The following MSH3 variants were observed in gnomAD, a reference collection of about 807,000 sequenced individuals.
MSH3 encodes the protein mutS homolog 3, also known as DNA mismatch repair protein Msh3.
A neutral mutation model predicts 123.3 loss-of-function variants in MSH3; 106 were observed. The ratio of observed to expected loss-of-function variants is 0.86; its 90% CI spans 0.73 to 1.01. The LOEUF is 1.01. Among genes scored for constraint, MSH3 ranks in the 50% least tolerant of loss-of-function variants. The pLI is 0.00. For missense variants in MSH3, 1,459 were observed against 1,347.6 expected (o/e 1.08, Z -1.29); for synonymous variants, 515 against 481.4 (o/e 1.07, Z -0.91).
intron 8 of MSH3, among the ~76,000 whole-genome samples, chr5:80,724,318 A>G (rs747824723): frequency 9.2e-5 from 14 of 152,122 alleles, no homozygotes; most frequent in Non-Finnish European, 1.8e-4. Flanking sequence ...AGAATTATTA[A>G]GTGAAGAGAA....
At chr5:80,865,426 G>A (rs200445771) in intron 22 of MSH3, among the ~76,000 whole-genome samples, 1 of 152,094 alleles carries the variant, frequency 6.6e-6, no homozygotes, top group Non-Finnish European at 1.5e-5. Context: ...CAGGTAAAGT[G>A]GTTTGACCAT....
chr5:80,800,926 G>T (rs1241248997), intron 19 of MSH3, among the ~76,000 whole-genome samples: 1 of 152,210 alleles, frequency 6.6e-6, no homozygotes, highest in East Asian at 1.9e-4. Flanking sequence ...ACAGAGCAGA[G>T]GGGCTTCTGT....
intron 19 of MSH3, among the ~76,000 whole-genome samples, chr5:80,804,530 CT>C (rs1386188248): frequency 1.3e-5 from 2 of 152,260 alleles, no homozygotes; most frequent in Non-Finnish European, 2.9e-5. Flanking sequence ...CTTGTAGACT[CT>C]TTGAGTTACC....
At chr5:80,700,621 T>C (rs1750587504) in intron 8 of MSH3, among the ~76,000 whole-genome samples, 2 of 152,186 alleles carry the variant, frequency 1.3e-5, no homozygotes, top group African/African-American at 4.8e-5. Context: ...TTAATGGATG[T>C]GCTTAACTCA....
rs188508359 is a variant in MSH3 at position 80,729,408 on chromosome 5, C to T, written c.1568+443C>T. Among the ~76,000 whole-genome samples the T allele has an allele frequency of 8.4e-3, 796 of 94,702 alleles. 10 individuals carry two copies. The highest frequency in any genetic ancestry group is 0.037 in the African/African-American group (750 of 20,404). The allele number at this position is 94,702 out of a possible 152,430, so 62.1% of individuals were successfully genotyped here. ...TCCAGCCTGGGCGACAGCGAGACTC[C>T]GTCCCAAAAAAAAAAAAAAAAATGT... On this transcript the variant is annotated intron_variant, in intron 10 of 23. Coordinates refer to ENST00000265081, the MANE Select transcript of MSH3 (RefSeq NM_002439.5).
At chr5:80,676,430 T>A (rs1749839800) in intron 7 of MSH3, among the ~76,000 whole-genome samples, 1 of 152,214 alleles carries the variant, frequency 6.6e-6, no homozygotes, top group Admixed American at 6.5e-5. Flanking sequence ...TTTAAGGCCC[T>A]TCAGAACAAT....
At chr5:80,749,354 G>A (rs1283945638) in intron 12 of MSH3, among the ~76,000 whole-genome samples, 1 of 152,170 alleles carries the variant, frequency 6.6e-6, no homozygotes, top group Non-Finnish European at 1.5e-5. Flanking sequence ...TTCAAGGGCA[G>A]GAAGCATCCA....
chr5:80,679,902 G>A (rs536979085), intron 8 of MSH3, among the ~76,000 whole-genome samples: 1 of 152,252 alleles, frequency 6.6e-6, no homozygotes, highest in African/African-American at 2.4e-5. Context: ...GTATATTGAC[G>A]AATTTGGACT....
At chr5:80,656,978 TTAAA>T (rs1439806434) in intron 2 of MSH3, among the ~76,000 whole-genome samples, 1 of 152,158 alleles carries the variant, frequency 6.6e-6, no homozygotes, top group African/African-American at 2.4e-5. Context: ...AAAAATTAGT[TTAAA>T]TATATTTTAC....
At chr5:80,698,081 T>C (rs1166144337) in intron 8 of MSH3, among the ~76,000 whole-genome samples, 1 of 151,886 alleles carries the variant, frequency 6.6e-6, no homozygotes, top group Non-Finnish European at 1.5e-5. Flanking sequence ...CTAATTTTTT[T>C]TGTAGAGATG....
chr5:80,708,638 G>A (rs1386017509), intron 8 of MSH3, among the ~76,000 whole-genome samples: 4 of 151,980 alleles, frequency 2.6e-5, no homozygotes, highest in Non-Finnish European at 5.9e-5. Context: ...GCCCAAGCTG[G>A]TCTCAAACTC....
chr5:80,742,665 G>T (rs1252208735), intron 11 of MSH3, among the ~76,000 whole-genome samples: 2 of 152,118 alleles, frequency 1.3e-5, no homozygotes, highest in Non-Finnish European at 2.9e-5. Flanking sequence ...GTTCTAGTAT[G>T]CTGAATTCAG....
At chr5:80,770,270 ATT>A (rs62892161) in intron 15 of MSH3, among the ~76,000 whole-genome samples, 259 of 144,030 alleles carry the variant, frequency 1.8e-3, no homozygotes, top group Middle Eastern at 3.5e-3. Flanking sequence ...TTTCTACTAC[ATT>A]TTTTTTTTTT....
chr5:80,716,415 T>G (rs1750961802), intron 8 of MSH3, among the ~76,000 whole-genome samples: 2 of 152,048 alleles, frequency 1.3e-5, no homozygotes, highest in Admixed American at 1.3e-4. Flanking sequence ...TCTTTTATGA[T>G]AGTATCTGAC....
intron 12 of MSH3, among the ~76,000 whole-genome samples, chr5:80,757,278 T>C (rs1743943048): frequency 6.6e-6 from 1 of 152,186 alleles, no homozygotes; most frequent in African/African-American, 2.4e-5. Flanking sequence ...TACAATAAAT[T>C]GTTGGCTGTA....
intron 19 of MSH3, among the ~76,000 whole-genome samples, chr5:80,808,859 A>ATATATATATATATATATATATATATATC: frequency 1.6e-5 from 1 of 64,072 alleles, no homozygotes; most frequent in Non-Finnish European, 2.8e-5. Context: ...TATCTTCTTC[A>ATATATATATATATATATATATATATATC]TATATATATA....
chr5:80,722,972 T>G (rs930012772), intron 8 of MSH3, among the ~76,000 whole-genome samples: 1 of 152,058 alleles, frequency 6.6e-6, no homozygotes, highest in Non-Finnish European at 1.5e-5. Context: ...CTGGGCGTGG[T>G]AATGCCTATC....
At chr5:80,872,360 G>A (rs1746230358) in intron 22 of MSH3, among the ~76,000 whole-genome samples, 1 of 152,130 alleles carries the variant, frequency 6.6e-6, no homozygotes, top group South Asian at 2.1e-4. Context: ...TCAGCTACTC[G>A]GGAGGCTGAG....
At chr5:80,657,842 G>C (rs1749324948) in intron 2 of MSH3, among the ~76,000 whole-genome samples, 1 of 146,144 alleles carries the variant, frequency 6.8e-6, no homozygotes, top group Admixed American at 7.1e-5. Context: ...TTCTGGAGGG[G>C]TCATGCAAGG....
Sources: gnomAD v4.1 joint callset for allele counts (sites outside exome capture counted in the v4.1 genomes callset) on GRCh38, gnomAD v4.1.1 for gene constraint, MANE v1.5 for transcripts, NCBI Gene and HGNC (gene_info 2026-07-23, HGNC 2026-07-21) for gene names.